Variants in FCHSD1 observed in about 807,000 individuals in gnomAD.
The protein encoded by FCHSD1 is F-BAR and double SH3 domains protein 1.
Under a neutral mutation model 101.3 loss-of-function variants are expected in FCHSD1, and 109 were observed. That is an observed-to-expected ratio of 1.08 (90% confidence interval 0.92 to 1.26). The LOEUF is 1.26. FCHSD1 is among the 50% of genes most tolerant of loss of function. The pLI, the probability that FCHSD1 is intolerant of heterozygous loss-of-function variation, is 0.00. For synonymous variants in FCHSD1, 291 were observed against 356.8 expected (o/e 0.82, Z 2.08); for missense variants, 820 against 895.8 (o/e 0.92, Z 1.08).
chr5:141,647,869 G>C lies in FCHSD1; in HGVS notation c.705+99C>G. On this transcript the variant is annotated intron_variant, in intron 8 of 19. Transcript: ENST00000435817. ...TCATCTACTCACTCTAAACAGACAA[G>C]ATCCCCTGCACCACCCACTGTCATG... The C allele has an allele frequency of 7.3e-6, 11 of 1,498,740 alleles. No individual in the cohort carries two copies. In the South Asian group the frequency reaches 1.4e-4, roughly 19 times the overall value. The allele number at this position is 1,498,740 out of a possible 1,614,324, so 92.8% of individuals were successfully genotyped here.
rs951816613 is a variant in FCHSD1 at position 141,640,020 on chromosome 5, G to C, written c.*1478C>G. The C allele has an allele frequency of 5.6e-6, 9 of 1,613,564 alleles. No individual in the cohort carries two copies. Among genetic ancestry groups the C allele is most frequent in the Non-Finnish European group, 6.8e-6 (8 of 1,179,758 alleles). On this transcript the variant is annotated 3_prime_UTR_variant, in exon 20 of 20. Transcript: ENST00000435817. ...GGGCTCTGGTGGGGGACAGGACCCA[G>C]GGGGTGGTCAGGGGTCTGGGGGAGG...
Position 141,639,966 on chromosome 5 carries a change from C to G in FCHSD1, c.*1532G>C. On this transcript the variant is annotated 3_prime_UTR_variant, in exon 20 of 20. Transcript: ENST00000435817. This position sits in a 1 kb window ranked among gnomAD's most constrained non-coding sequence, Gnocchi z 4.4. ...GAAGCGCTATGGACTGCACGAACAC[C>G]GTGATGGCTCCCCCACAGACAGGAG... 1.9e-6 allele frequency: 3 copies of G among 1,613,972 alleles called. No homozygotes were observed. The highest frequency in any genetic ancestry group is 2.2e-5 in the East Asian group (1 of 44,878).
chr5:141,648,242 A>C, intron 7 of FCHSD1, 146 bp from the exon 8 acceptor site: 1 of 988,376 alleles, frequency 1.0e-6, no homozygotes, highest in Non-Finnish European at 1.4e-6. Context: ...TTGCATACAC[A>C]CAACTCCTGC....
intron 18 of FCHSD1, 162 bp downstream of exon 18, chr5:141,642,839 G>A (rs569093458): frequency 3.1e-5 from 19 of 622,302 alleles, no homozygotes; most frequent in Admixed American, 1.3e-4. Context: ...ATGACAGAGC[G>A]GGACCTGAAC....
intron 18 of FCHSD1, chr5:141,642,330 C>T: frequency 1.6e-6 from 1 of 642,538 alleles, no homozygotes; most frequent in South Asian, 1.8e-5. Flanking sequence ...ATGGAAATAA[C>T]AGACTCCCAG....
rs780914093 is a variant in FCHSD1 at position 141,651,006 on chromosome 5, G to A, written c.119+14C>T. 6 of 1,570,336 alleles carry A rather than the reference G, an allele frequency of 3.8e-6. No individual in the cohort carries two copies. The highest frequency in any genetic ancestry group is 4.7e-5 in the East Asian group (2 of 42,844). On this transcript the variant is annotated intron_variant, in intron 2 of 19. Transcript: ENST00000435817. ...ACGAAGGTGAGTGTAAATGAAGGGG[G>A]TTGGGGGAGCTACCTGATGTCCTCC...
chr5:141,644,501 C>T, intron 16 of FCHSD1, 63 bp from the exon 17 acceptor site: 1 of 1,606,862 alleles, frequency 6.2e-7, no homozygotes, highest in South Asian at 1.1e-5. Context: ...GACCATGACA[C>T]CCCAGGGCTA....
intron 2 of FCHSD1, 52 bp from the exon 3 acceptor site, chr5:141,650,456 C>T: frequency 6.2e-7 from 1 of 1,612,378 alleles, no homozygotes; most frequent in Non-Finnish European, 8.5e-7. Flanking sequence ...TATGTTTGGT[C>T]CTGTTCTCCC....
chr5:141,641,422 G>C lies in FCHSD1; in HGVS notation c.*76C>G, dbSNP rs1448801793. ...TTCCAGCTTTTGGCTGTGTTGCTCT[G>C]GATCATTGATGGTGTGGTCTGACAG... On this transcript the variant is annotated 3_prime_UTR_variant, in exon 20 of 20. Transcript: ENST00000435817. 7.6e-7 allele frequency: 1 copy of C among 1,307,272 alleles called. No homozygotes were observed. The highest frequency in any genetic ancestry group is 1.0e-6 in the Non-Finnish European group (1 of 985,198). 81.0% of individuals were successfully genotyped at this position (1,307,272 alleles called of 1,614,324 possible). A position where few individuals can be genotyped will look rare whatever the true frequency, so the allele number is the denominator to read the frequency against.
In FCHSD1 at chr5:141,640,772, G is replaced by T; in HGVS notation, c.*726C>A. 1 of 1,143,998 alleles carries T rather than the reference G, an allele frequency of 8.7e-7. No homozygotes were observed. The highest frequency in any genetic ancestry group is 1.5e-5 in the South Asian group (1 of 67,502). 70.9% of individuals were successfully genotyped at this position (1,143,998 alleles called of 1,614,324 possible). ...GGACAGCACTGCCCCCCAGCTGAGG[G>T]ACCAGCTCTACTTCCACCTGGAGTT... On this transcript the variant is annotated 3_prime_UTR_variant, in exon 20 of 20. Transcript: ENST00000435817.
In FCHSD1 at chr5:141,649,267, C is replaced by T. The variant is rs1382161025; in HGVS notation, c.417G>A (p.Gln139=). 8.7e-6 allele frequency: 14 copies of T among 1,614,052 alleles called. 1 individual carries two copies. The East Asian group carries it at 2.9e-4, about 33-fold the overall frequency. Residue 139 remains glutamine, a synonymous_variant, in exon 6 of 20, where the codon CAG becomes CAA. Transcript: ENST00000435817. This position sits in a 1 kb window ranked among gnomAD's most constrained non-coding sequence, Gnocchi z 4.1. ...NLQRAQAEVL[Q]SVRELSRSRK... is the part of the protein sequence containing the mutation. ...GACTTCGGCTCAGCTCCCGGACAGA[C>T]TGCAGCACCTCAGCCTGCGCCCTCT...
Position 141,644,249 on chromosome 5 carries a change from G to T in FCHSD1, c.1832C>A (p.Pro611Gln). ...SLLVEELLGPPGPPELSDPEQ... is the reference protein window; with the variant it reads ...SLLVEELLGPQGPPELSDPEQ... ...AGGGTCAGAGAGTTCAGGTGGCCCT[G>T]GGGGGCCAAGCAGCTCTTCCACCAG... The change falls in exon 17 of 20, where the codon CCA (proline) becomes CAA (glutamine). Residue 611 changes from proline (P) to glutamine (Q), a missense_variant. Physicochemically the swap from Pro to Gln is moderately conservative, Grantham distance 76. Coordinates refer to ENST00000435817, the MANE Select transcript of FCHSD1 (RefSeq NM_033449.3). 1 of 1,612,728 alleles carries T rather than the reference G, an allele frequency of 6.2e-7. No homozygotes were observed. Among genetic ancestry groups the T allele is most frequent in the Non-Finnish European group, 8.5e-7 (1 of 1,179,306 alleles).
chr5:141,649,750 TCTG>T lies in FCHSD1; in HGVS notation c.233+134_233+136del. 1.3e-5 allele frequency: 16 copies of T among 1,222,116 alleles called. No homozygotes were observed. Among genetic ancestry groups the T allele is most frequent in the African/African-American group, 1.5e-5 (1 of 65,404 alleles). The allele number at this position is 1,222,116 out of a possible 1,614,324, so 75.7% of individuals were successfully genotyped here. A position where few individuals can be genotyped will look rare whatever the true frequency, so the allele number is the denominator to read the frequency against. On this transcript the variant is annotated intron_variant, in intron 4 of 19. Transcript: ENST00000435817. This position sits in a 1 kb window ranked among gnomAD's most constrained non-coding sequence, Gnocchi z 4.1. Reference sequence around the variant, plus strand: ...ACAGTGTCCTTGCTGGGTCAGCTCCTCTGCTGCTGCTGTGTCAGCTCTACCTAC... The same window carrying T: ...ACAGTGTCCTTGCTGGGTCAGCTCCTCTGCTGCTGTGTCAGCTCTACCTAC...
intron 13 of FCHSD1, among the ~76,000 whole-genome samples, chr5:141,645,410 C>T (rs1399606229): frequency 6.6e-6 from 1 of 152,140 alleles, no homozygotes; most frequent in Non-Finnish European, 1.5e-5. Context: ...TTCATAATGA[C>T]CCAGTGTTAA....
rs114773384 is a variant in FCHSD1 at position 141,641,443 on chromosome 5, G to C, written c.*55C>G. 3,807 of 1,399,016 alleles carry C rather than the reference G, an allele frequency of 2.7e-3. 11 individuals are homozygous for C. Among genetic ancestry groups the C allele is most frequent in the Middle Eastern group, 0.012 (47 of 3,838 alleles). The allele number at this position is 1,399,016 out of a possible 1,614,324, so 86.7% of individuals were successfully genotyped here. On this transcript the variant is annotated 3_prime_UTR_variant, in exon 20 of 20. Coordinates refer to ENST00000435817, the MANE Select transcript of FCHSD1 (RefSeq NM_033449.3). ...CTCTGGATCATTGATGGTGTGGTCTGACAGCTTGAAGATAGGGACAGCAGC... is the reference window on the plus strand; with the variant it reads ...CTCTGGATCATTGATGGTGTGGTCTCACAGCTTGAAGATAGGGACAGCAGC...
rs2099908336 is a variant in FCHSD1, at chr5:141,651,112, C to T, written c.27G>A (p.Lys9=). Residue 9 remains lysine, a synonymous_variant, in exon 2 of 20, where the codon AAG becomes AAA. Transcript: ENST00000435817. MQPPPRKV[K]PAQEVKLRFL... is the part of the protein sequence containing the mutation. Reference sequence around the variant, plus strand: ...AGCGAAGCTTCACCTCCTGGGCCGGCTTCACCTGTGGGGGCAAAGAGAGGA... The same window carrying T: ...AGCGAAGCTTCACCTCCTGGGCCGGTTTCACCTGTGGGGGCAAAGAGAGGA... The T allele has an allele frequency of 1.1e-5, 18 of 1,585,532 alleles. No homozygotes were observed. The highest frequency in any genetic ancestry group is 1.5e-5 in the Non-Finnish European group (17 of 1,165,334).
chr5:141,646,536 TC>T, intron 11 of FCHSD1, 66 bp downstream of exon 11: 3 of 1,540,312 alleles, frequency 1.9e-6, no homozygotes, highest in Non-Finnish European at 2.6e-6. Flanking sequence ...GGCTCCAAGA[TC>T]CCCTCTCTCA....
rs2099907481 is a variant in FCHSD1 at position 141,645,088 on chromosome 5, C to T, written c.1372G>A (p.Glu458Lys). Residue 458 changes from glutamate (E) to lysine (K), a missense_variant, in exon 14 of 20, where the codon GAG becomes AAG. Transcript: ENST00000435817. ...ECEETGELFE[E>K]PAPQALATRA... ...GTGGCCAGGGCTTGGGGGGCAGGCT[C>T]CTCAAAGAGCTCTCCCGTCTCCTCA... 2 of 1,586,566 alleles carry T rather than the reference C, an allele frequency of 1.3e-6. No homozygotes were observed. Among genetic ancestry groups the T allele is most frequent in the Non-Finnish European group, 1.7e-6 (2 of 1,164,984 alleles).
In FCHSD1 at chr5:141,640,412, G is replaced by T. The variant is rs776910084; in HGVS notation, c.*1086C>A. On this transcript the variant is annotated 3_prime_UTR_variant, in exon 20 of 20. Coordinates refer to ENST00000435817, the MANE Select transcript of FCHSD1 (RefSeq NM_033449.3). Reference sequence around the variant, plus strand: ...TGTTGACCCCTCCCCTTTCTCTCAGGTGTCTCTACCACAGGGAGCAGGGAG... The same window carrying T: ...TGTTGACCCCTCCCCTTTCTCTCAGTTGTCTCTACCACAGGGAGCAGGGAG... 6.2e-6 allele frequency: 10 copies of T among 1,614,146 alleles called. No individual in the cohort carries two copies. The Admixed American group carries it at 1.7e-4, about 27-fold the overall frequency.
Sources: gnomAD v4.1 joint callset for allele counts (sites outside exome capture counted in the v4.1 genomes callset) on GRCh38, gnomAD v4.1.1 for gene constraint, Gnocchi (gnomAD v3.1) non-coding constraint, MANE v1.5 for transcripts, NCBI Gene and HGNC (gene_info 2026-07-23, HGNC 2026-07-21) for gene names.